Variants in ZC3HAV1 observed in about 807,000 individuals in gnomAD.
The protein encoded by ZC3HAV1 is zinc finger CCCH-type containing, antiviral 1.
In ZC3HAV1, 41 loss-of-function variants were observed where a neutral mutation model predicts 86.6. The observed-to-expected ratio is 0.47, with a 90% CI of 0.37 to 0.61. The LOEUF (loss-of-function observed/expected upper bound fraction) is 0.61, where lower values mean the gene tolerates loss of function less well. ZC3HAV1 is among the 20% of genes least tolerant of loss of function. The probability of loss-of-function intolerance (pLI) is 0.00; values close to 1 mark genes in which losing one functional copy is unlikely to be tolerated. For missense variants in ZC3HAV1, 964 were observed against 1,141.1 expected, an observed-to-expected ratio of 0.84 and a Z score of 2.24; for synonymous variants, 421 against 432.1, an observed-to-expected ratio of 0.97 and a Z score of 0.32.
intron 9 of ZC3HAV1, among the ~76,000 whole-genome samples, chr7:139,055,910 A>C (rs577387009): frequency 6.6e-6 from 1 of 152,364 alleles, no homozygotes; most frequent in African/African-American, 2.4e-5. Flanking sequence ...GTGAAAGATC[A>C]GATGAATAGT....
chr7:139,055,426 T>C, intron 9 of ZC3HAV1, 131 bp from the exon 10 acceptor site: 1 of 657,634 alleles, frequency 1.5e-6, no homozygotes, highest in Non-Finnish European at 2.5e-6. Context: ...TATTTTTCTC[T>C]GGACTACATC....
intron 8 of ZC3HAV1, among the ~76,000 whole-genome samples, chr7:139,063,259 T>C (rs1164394145): frequency 6.6e-6 from 1 of 151,714 alleles, no homozygotes; most frequent in Non-Finnish European, 1.5e-5. Context: ...AGAATTTTTT[T>C]AATTTAAGTC....
chr7:139,056,444 T>G (rs1816288539), intron 9 of ZC3HAV1, among the ~76,000 whole-genome samples: 1 of 139,232 alleles, frequency 7.2e-6, no homozygotes. Context: ...ACAGTCTCAC[T>G]CTGTTGCCCA....
chr7:139,093,998 C>G (rs1168727714), intron 1 of ZC3HAV1, among the ~76,000 whole-genome samples: 10 of 152,154 alleles, frequency 6.6e-5, no homozygotes. Context: ...GAAAGTCTCC[C>G]GTGGCCTCTT....
rs199761770 is a variant in ZC3HAV1 at position 139,094,369 on chromosome 7, C to T, written c.309-4610G>A. 3.4e-4 allele frequency among the ~76,000 whole-genome samples: 52 copies of T among 151,980 alleles called. No homozygotes were observed. In the East Asian group the frequency reaches 9.1e-3, roughly 27 times the overall value. On this transcript the variant is annotated intron_variant, in intron 1 of 12. Coordinates refer to ENST00000242351, the MANE Select transcript of ZC3HAV1 (RefSeq NM_020119.4). The stretch of plus-strand genomic sequence containing the variant: ...TGTGGGAACTCCCCTCTCGCCAGTA[C>T]AAAAAGAGCTCTCCTACTAATTATT...
At chr7:139,100,216 T>G (rs868157432) in intron 1 of ZC3HAV1, among the ~76,000 whole-genome samples, 1 of 151,358 alleles carries the variant, frequency 6.6e-6, no homozygotes, top group African/African-American at 2.4e-5. Context: ...GGGCTAGAGA[T>G]CCAGAATATA....
chr7:139,095,186 GC>G (rs1379604294), intron 1 of ZC3HAV1, among the ~76,000 whole-genome samples: 2 of 152,076 alleles, frequency 1.3e-5, no homozygotes, highest in East Asian at 3.8e-4. Flanking sequence ...AGAACATTGA[GC>G]TAAAGAATAA....
Position 139,083,770 on chromosome 7 carries a change from A to C in ZC3HAV1, c.697+10T>G. On this transcript the variant is annotated intron_variant, in intron 3 of 12. Transcript: ENST00000242351. ...AGAGTTCACACAATTGAAAAAGAAA[A>C]GGCCTTTACCTCTGGGCCCTGGGGG... 1.3e-6 allele frequency: 2 copies of C among 1,571,668 alleles called. No individual in the cohort carries two copies. The highest frequency in any genetic ancestry group is 2.3e-5 in the South Asian group (2 of 85,396).
chr7:139,086,713 A>G (rs1817282409), intron 2 of ZC3HAV1, among the ~76,000 whole-genome samples: 1 of 152,196 alleles, frequency 6.6e-6, no homozygotes, highest in Non-Finnish European at 1.5e-5. Context: ...GTAGGAGGCA[A>G]TTGAATCATG....
chr7:139,058,579 C>T (rs935448747), intron 9 of ZC3HAV1, among the ~76,000 whole-genome samples: 1 of 151,936 alleles, frequency 6.6e-6, no homozygotes, highest in African/African-American at 2.4e-5. Flanking sequence ...AACTGTATTA[C>T]AAGGTAGAAG....
intron 7 of ZC3HAV1, among the ~76,000 whole-genome samples, chr7:139,072,720 G>C (rs1202090097): frequency 2.0e-5 from 3 of 152,076 alleles, no homozygotes; most frequent in African/African-American, 7.2e-5. Flanking sequence ...AGTCCTTTAA[G>C]TCCATCTAAA....
intron 6 of ZC3HAV1, among the ~76,000 whole-genome samples, chr7:139,075,116 G>GA (rs1816898653): frequency 6.6e-6 from 1 of 152,098 alleles, no homozygotes; most frequent in Non-Finnish European, 1.5e-5. Context: ...TTGAGGCTAG[G>GA]AATAGTGCTA....
rs1231159553 is a variant in ZC3HAV1, at chr7:139,047,553, A to G, written c.*41T>C. The G allele has an allele frequency of 6.2e-7, 1 of 1,611,660 alleles. No homozygotes were observed. The highest frequency in any genetic ancestry group is 8.5e-7 in the Non-Finnish European group (1 of 1,179,444). On this transcript the variant is annotated 3_prime_UTR_variant, in exon 13 of 13. Transcript: ENST00000242351. ...CGGCAATTTAGTTCTGTAAAGGAACAGAATGGTTATGGCATCCTTCTGACG... is the reference window on the plus strand; with the variant it reads ...CGGCAATTTAGTTCTGTAAAGGAACGGAATGGTTATGGCATCCTTCTGACG...
intron 1 of ZC3HAV1, among the ~76,000 whole-genome samples, chr7:139,101,404 C>T (rs1280962652): frequency 7.2e-6 from 1 of 138,762 alleles, no homozygotes; most frequent in African/African-American, 2.7e-5. Context: ...TGAGGAGCGT[C>T]TCTGCCAGGC....
intron 1 of ZC3HAV1, among the ~76,000 whole-genome samples, chr7:139,104,837 G>C (rs1053768601): frequency 6.6e-6 from 1 of 150,736 alleles, no homozygotes; most frequent in African/African-American, 2.4e-5. Context: ...TTTGAGAGCA[G>C]CCCAGGCAAA....
At chr7:139,104,535 G>A (rs1817869718) in intron 1 of ZC3HAV1, among the ~76,000 whole-genome samples, 2 of 150,908 alleles carry the variant, frequency 1.3e-5, no homozygotes, top group Admixed American at 1.3e-4. Context: ...GCAACATAGT[G>A]AAATCCCGTC....
rs1345683594 is a variant in ZC3HAV1 at position 139,047,799 on chromosome 7, G to T, written c.2504C>A (p.Ala835Asp). The change falls in exon 13 of 13, where the codon GCC (alanine) becomes GAC (aspartate). Residue 835 changes from alanine to aspartate, a missense_variant. Coordinates refer to ENST00000242351, the MANE Select transcript of ZC3HAV1 (RefSeq NM_020119.4). ...GGCTACAAACATAACGACGTTTTTG[G>T]CATCATACGGGCAATTTTTGTGGGA... is the stretch of plus-strand genomic sequence containing the variant. ...IYSHKNCPYD[A>D]KNVVMFVAQV... 1 of 1,613,856 alleles carries T rather than the reference G, an allele frequency of 6.2e-7. No individual in the cohort carries two copies. Among genetic ancestry groups the T allele is most frequent in the Non-Finnish European group, 8.5e-7 (1 of 1,179,976 alleles).
Position 139,079,969 on chromosome 7 carries a change from G to T in ZC3HAV1, c.972C>A (p.Ala324=), listed in dbSNP as rs369145921. The change falls in exon 4 of 13, where the codon GCC becomes GCA. Residue 324 remains alanine, a synonymous_variant. Transcript: ENST00000242351. ...TCTCTAAAAACCTCTGGCTTGTCCC[G>T]GCCTGACTTGTTCCTCCAAGATCAG... The part of the protein sequence containing the change: ...KATDLGGTSQ[A]GTSQRFLENG... 16 of 1,614,002 alleles carry T rather than the reference G, an allele frequency of 9.9e-6. No individual in the cohort carries two copies. The South Asian group carries it at 1.5e-4, about 16-fold the overall frequency.
At chr7:139,099,356 C>T (rs1171868411) in intron 1 of ZC3HAV1, among the ~76,000 whole-genome samples, 1 of 152,142 alleles carries the variant, frequency 6.6e-6, no homozygotes, top group African/African-American at 2.4e-5. Flanking sequence ...GAAGATTTCT[C>T]CTAGATGAAT....
Sources: allele counts gnomAD v4.1 joint callset (sites outside exome capture counted in the v4.1 genomes callset), GRCh38; gene constraint gnomAD v4.1.1; transcripts MANE v1.5; gene names NCBI Gene and HGNC (gene_info 2026-07-23, HGNC 2026-07-21).